The following HHLA2 variants were observed in gnomAD, a reference collection of about 807,000 sequenced individuals.
HHLA2 encodes HHLA2 member of B7 family, also known as HERV-H LTR-associating protein 2.
A neutral mutation model predicts 45.9 loss-of-function variants in HHLA2; 48 were observed. The ratio of observed to expected loss-of-function variants is 1.05; its 90% CI spans 0.83 to 1.33. HHLA2 has a LOEUF of 1.33. Among genes scored for constraint, HHLA2 ranks in the 40% most tolerant of loss-of-function variants. The pLI, the probability that HHLA2 is intolerant of heterozygous loss-of-function variation, is 0.00. For synonymous variants in HHLA2, 161 were observed against 173.9 expected, an observed-to-expected ratio of 0.93 and a Z score of 0.59; for missense variants, 462 against 494.3, an observed-to-expected ratio of 0.93 and a Z score of 0.62.
intron 2 of HHLA2, among the ~76,000 whole-genome samples, 200 bp downstream of exon 2, chr3:108,310,941 AAATC>A (rs1419833557): frequency 6.6e-6 from 1 of 152,176 alleles, no homozygotes; most frequent in African/African-American, 2.4e-5. Context: ...AATGCACTAT[AAATC>A]TGGTAGAGGG....
chr3:108,305,301 C>T (rs1391333552), intron 1 of HHLA2, among the ~76,000 whole-genome samples: 5 of 152,098 alleles, frequency 3.3e-5, no homozygotes, highest in Non-Finnish European at 7.4e-5. Context: ...GCTTTGTAAA[C>T]GGACAGATTA....
intron 7 of HHLA2, among the ~76,000 whole-genome samples, chr3:108,361,924 A>T (rs568564014): frequency 6.6e-6 from 1 of 152,238 alleles, no homozygotes; most frequent in South Asian, 2.1e-4. Context: ...ATTTATGGAC[A>T]TAATTATTCC....
intron 2 of HHLA2, among the ~76,000 whole-genome samples, chr3:108,327,234 T>C (rs1427181138): frequency 6.6e-6 from 1 of 152,196 alleles, no homozygotes; most frequent in African/African-American, 2.4e-5. Context: ...CAACCTGCCT[T>C]TTTTGTTGTG....
intron 8 of HHLA2, among the ~76,000 whole-genome samples, chr3:108,372,200 A>G (rs1349981781): frequency 2.0e-5 from 3 of 152,244 alleles, no homozygotes; most frequent in Non-Finnish European, 4.4e-5. Flanking sequence ...CTACATGGAA[A>G]CTGAACAACC....
rs1051368095 is a variant in HHLA2 at position 108,320,414 on chromosome 3, T to C, written c.-104-7856T>C. ...ATTTATTAAGTTGGTGCAAAAGCAATTGCGGTTTTTGTCATGACTTTTAAT... is the reference window on the plus strand; with the variant it reads ...ATTTATTAAGTTGGTGCAAAAGCAACTGCGGTTTTTGTCATGACTTTTAAT... On this transcript the variant is annotated intron_variant, in intron 2 of 10. Transcript: ENST00000619531. Among the ~76,000 whole-genome samples, 5 of 152,208 alleles carry C rather than the reference T, an allele frequency of 3.3e-5. No homozygotes were observed. In the East Asian group the frequency reaches 9.6e-4, roughly 29 times the overall value.
chr3:108,307,634 CAAA>C (rs554619443), intron 1 of HHLA2, among the ~76,000 whole-genome samples: 1 of 131,092 alleles, frequency 7.6e-6, no homozygotes, highest in Non-Finnish European at 1.7e-5. Flanking sequence ...AACTCTGTCT[CAAA>C]AAAAAAAAAA....
chr3:108,319,468 ATCT>A (rs1319298232), intron 2 of HHLA2, among the ~76,000 whole-genome samples: 6 of 152,114 alleles, frequency 3.9e-5, no homozygotes, highest in Non-Finnish European at 8.8e-5. Flanking sequence ...CTACCAATAA[ATCT>A]TCTGCAATAA....
At chr3:108,352,160 A>G (rs2081790872) in intron 4 of HHLA2, among the ~76,000 whole-genome samples, 1 of 149,662 alleles carries the variant, frequency 6.7e-6, no homozygotes, top group Non-Finnish European at 1.5e-5. Context: ...TTTTTTTTTA[A>G]GTGTAAGCTT....
intron 2 of HHLA2, among the ~76,000 whole-genome samples, chr3:108,324,598 C>G (rs1303794736): frequency 6.6e-6 from 1 of 152,296 alleles, no homozygotes; most frequent in Non-Finnish European, 1.5e-5. Context: ...AAGGAAAATA[C>G]TTTCTAGCTT....
intron 2 of HHLA2, among the ~76,000 whole-genome samples, chr3:108,311,371 A>G (rs966338377): frequency 1.3e-5 from 2 of 152,222 alleles, no homozygotes; most frequent in Non-Finnish European, 2.9e-5. Flanking sequence ...AAATATTTAA[A>G]GTGATGGCTA....
At chr3:108,364,810 G>A (rs926710268) in intron 8 of HHLA2, among the ~76,000 whole-genome samples, 26 of 152,152 alleles carry the variant, frequency 1.7e-4, no homozygotes, top group African/African-American at 6.0e-4. Flanking sequence ...AGAAGTGTCT[G>A]TTCATATCCT....
At chr3:108,373,901 G>T (rs1179996747) in intron 8 of HHLA2, among the ~76,000 whole-genome samples, 1 of 149,992 alleles carries the variant, frequency 6.7e-6, no homozygotes, top group Non-Finnish European at 1.5e-5. Flanking sequence ...TGGCCATACT[G>T]CCCAAGGTAA....
chr3:108,326,016 C>T (rs894535225), intron 2 of HHLA2: 2 of 309,910 alleles, frequency 6.5e-6, no homozygotes, highest in South Asian at 7.5e-5. Context: ...AAAGCAAAGC[C>T]CCTCTTCTTG....
At chr3:108,328,147 A>T in intron 2 of HHLA2, 2 of 499,310 alleles carry the variant, frequency 4.0e-6, no homozygotes, top group Non-Finnish European at 6.8e-6. Context: ...AAAAAAAAAA[A>T]GTTGTAGAAG....
intron 2 of HHLA2, chr3:108,326,099 G>T: frequency 7.7e-6 from 2 of 260,334 alleles, no homozygotes; most frequent in South Asian, 5.0e-5. Context: ...CTTAGGTGAT[G>T]GTCTTCGGTG....
intron 2 of HHLA2, among the ~76,000 whole-genome samples, chr3:108,312,744 T>G (rs62266185): frequency 0.068 from 10,326 of 152,290 alleles, 483 homozygotes; most frequent in Non-Finnish European, 0.092. Context: ...CCTACTTCCT[T>G]GATTCCTTAC....
intron 8 of HHLA2, among the ~76,000 whole-genome samples, chr3:108,371,392 C>G (rs2082168793): frequency 6.6e-6 from 1 of 152,102 alleles, no homozygotes; most frequent in Non-Finnish European, 1.5e-5. Flanking sequence ...TAAAGACCAT[C>G]GAGGCTAGGA....
At chr3:108,307,641 A>G (rs2080952505) in intron 1 of HHLA2, among the ~76,000 whole-genome samples, 1 of 152,096 alleles carries the variant, frequency 6.6e-6, no homozygotes, top group African/African-American at 2.4e-5. Flanking sequence ...TCTCAAAAAA[A>G]AAAAAAAGAG....
exon 11 of HHLA2, chr3:108,378,224 C>G (rs1316434337): frequency 6.6e-6 from 1 of 152,232 alleles, no homozygotes. Context: ...TTCGCTGACT[C>G]TCTTTTCGGA....
Sources: allele counts gnomAD v4.1 joint callset (sites outside exome capture counted in the v4.1 genomes callset), GRCh38; gene constraint gnomAD v4.1.1; transcripts MANE v1.5; gene names NCBI Gene and HGNC (gene_info 2026-07-23, HGNC 2026-07-21).